CTIF: variants seen among roughly 807,000 people sequenced by gnomAD.
The protein encoded by CTIF is CBP80/20-dependent translation initiation factor.
In CTIF, 21 loss-of-function variants were observed where a neutral mutation model predicts 66.0. The ratio of observed to expected loss-of-function variants is 0.32; its 90% confidence interval spans 0.23 to 0.46. CTIF has a LOEUF of 0.46. Ranked by LOEUF, CTIF falls within the 20% of genes least tolerant of loss-of-function variation. CTIF has a pLI of 1.00. For synonymous variants in CTIF, 345 were observed against 326.4 expected (o/e 1.06, Z -0.62); for missense variants, 739 against 812.7 (o/e 0.91, Z 1.10).
At chr18:48,546,762 G>A (rs1381146008) in intron 1 of CTIF, among the ~76,000 whole-genome samples, 4 of 152,164 alleles carry the variant, frequency 2.6e-5, no homozygotes, top group African/African-American at 4.8e-5. Flanking sequence ...GTAAAAGTTT[G>A]CATGCTGGGA....
At chr18:48,711,951 C>T (rs996295993) in intron 7 of CTIF, among the ~76,000 whole-genome samples, 4 of 152,186 alleles carry the variant, frequency 2.6e-5, no homozygotes, top group Admixed American at 6.5e-5. Flanking sequence ...CTGCCTCTTC[C>T]TGGGGGTCAG....
chr18:48,778,253 A>G (rs966771049), intron 9 of CTIF, among the ~76,000 whole-genome samples: 4 of 151,912 alleles, frequency 2.6e-5, no homozygotes, highest in African/African-American at 9.7e-5. Flanking sequence ...GGTCGATTCT[A>G]TTGTAGTTAC....
At chr18:48,615,125 G>T (rs907864438) in intron 1 of CTIF, among the ~76,000 whole-genome samples, 55 of 152,102 alleles carry the variant, frequency 3.6e-4, no homozygotes, top group African/African-American at 1.2e-3. Context: ...CAAATTCCTG[G>T]CTTCAAGTGA....
chr18:48,779,560 C>G (rs72913717), intron 9 of CTIF, among the ~76,000 whole-genome samples: 1 of 152,336 alleles, frequency 6.6e-6, no homozygotes, highest in Middle Eastern at 3.4e-3. Flanking sequence ...GGTGGCCATG[C>G]TTTCAGAGCC....
intron 1 of CTIF, among the ~76,000 whole-genome samples, chr18:48,572,679 T>A (rs1212392607): frequency 1.3e-5 from 2 of 152,000 alleles, no homozygotes; most frequent in Non-Finnish European, 2.9e-5. Flanking sequence ...AAGGTGTTGA[T>A]GAGGTAGATA....
chr18:48,654,080 A>T (rs1411950681), intron 3 of CTIF, among the ~76,000 whole-genome samples: 1 of 152,212 alleles, frequency 6.6e-6, no homozygotes, highest in Non-Finnish European at 1.5e-5. Context: ...GGACTTCATG[A>T]CTAAAACACC....
chr18:48,660,375 C>G (rs1380722099), intron 3 of CTIF, among the ~76,000 whole-genome samples: 2 of 152,198 alleles, frequency 1.3e-5, no homozygotes, highest in Admixed American at 1.3e-4. Flanking sequence ...TTTTCACCCC[C>G]AACATGGAGA....
intron 5 of CTIF, among the ~76,000 whole-genome samples, chr18:48,667,489 C>T (rs759025550): frequency 2.6e-5 from 4 of 152,128 alleles, no homozygotes; most frequent in Admixed American, 6.5e-5. Flanking sequence ...CTGGGGAGAT[C>T]GAAGCGATGG....
chr18:48,787,590 C>G (rs547115048), intron 9 of CTIF, among the ~76,000 whole-genome samples: 2 of 152,274 alleles, frequency 1.3e-5, no homozygotes, highest in African/African-American at 2.4e-5. Context: ...CGTGACGGGC[C>G]CCAGCTCCAG....
intron 1 of CTIF, among the ~76,000 whole-genome samples, chr18:48,619,005 TAGG>T (rs2090446298): frequency 6.6e-6 from 1 of 152,166 alleles, no homozygotes; most frequent in African/African-American, 2.4e-5. Context: ...TTACGGCCCA[TAGG>T]CTTCAACTAA....
Position 48,550,885 on chromosome 18 carries a change from C to T in CTIF, c.-29+11573C>T, listed in dbSNP as rs376096539. ...GGACTTGTTCATTTGGTTATCTGTC[C>T]AGATTCCAAACCAGTTCCGTGTGGC... On this transcript the variant is annotated intron_variant, in intron 1 of 11. Transcript: ENST00000256413. 6.9e-4 allele frequency among the ~76,000 whole-genome samples: 105 copies of T among 152,230 alleles called. 1 individual carries two copies. The highest frequency in any genetic ancestry group is 2.4e-3 in the African/African-American group (100 of 41,530).
At chr18:48,679,755 T>G (rs185950163) in intron 6 of CTIF, among the ~76,000 whole-genome samples, 7 of 152,338 alleles carry the variant, frequency 4.6e-5, no homozygotes, top group African/African-American at 1.2e-4. Context: ...CTTGGTTTTT[T>G]GGGGGTCTTG....
At chr18:48,772,033 C>G (rs117210695) in intron 9 of CTIF, among the ~76,000 whole-genome samples, 3 of 152,232 alleles carry the variant, frequency 2.0e-5, no homozygotes, top group Non-Finnish European at 2.9e-5. Flanking sequence ...CAGCCACTAC[C>G]AAGAGAGAGC....
chr18:48,617,434 G>A (rs2090419600), intron 1 of CTIF, among the ~76,000 whole-genome samples: 1 of 152,178 alleles, frequency 6.6e-6, no homozygotes, highest in Non-Finnish European at 1.5e-5. Context: ...CTAGACTCCT[G>A]GAGAGTAACT....
At chr18:48,706,590 GGCCA>G (rs912135869) in intron 6 of CTIF, among the ~76,000 whole-genome samples, 1 of 152,142 alleles carries the variant, frequency 6.6e-6, no homozygotes, top group Non-Finnish European at 1.5e-5. Context: ...CATGTTCTGG[GGCCA>G]GAGCTCTGCT....
chr18:48,696,540 T>A (rs1441015169), intron 6 of CTIF, among the ~76,000 whole-genome samples: 1 of 152,202 alleles, frequency 6.6e-6, no homozygotes, highest in African/African-American at 2.4e-5. Flanking sequence ...TGGCTTGAGC[T>A]CTCGGGACCT....
intron 3 of CTIF, among the ~76,000 whole-genome samples, chr18:48,643,159 T>C (rs192388394): frequency 6.6e-6 from 1 of 152,240 alleles, no homozygotes; most frequent in Admixed American, 6.5e-5. Context: ...GGATTAAACT[T>C]GTGGGGGCCT....
At chr18:48,614,850 TTTTGTTTGG>T (rs911373380) in intron 1 of CTIF, among the ~76,000 whole-genome samples, 1 of 151,050 alleles carries the variant, frequency 6.6e-6, no homozygotes, top group African/African-American at 2.5e-5. Flanking sequence ...GATTTGTTTG[TTTTGTTTGG>T]TTTGGTTGGT....
At chr18:48,573,328 TC>T (rs35010518) in intron 1 of CTIF, among the ~76,000 whole-genome samples, 23 of 151,854 alleles carry the variant, frequency 1.5e-4, no homozygotes, top group Non-Finnish European at 3.1e-4. Context: ...TTTCATGACC[TC>T]CCCCTCCCCA....
Sources: gnomAD v4.1 joint callset for allele counts (sites outside exome capture counted in the v4.1 genomes callset) on GRCh38, gnomAD v4.1.1 for gene constraint, MANE v1.5 for transcripts, NCBI Gene and HGNC (gene_info 2026-07-23, HGNC 2026-07-21) for gene names.